Variants in TAMM41 observed in about 807,000 individuals in gnomAD.
The protein encoded by TAMM41 is TAM41 mitochondrial translocator assembly and maintenance homolog.
Under a neutral mutation model 44.1 loss-of-function variants are expected in TAMM41, and 36 were observed. The ratio of observed to expected loss-of-function variants is 0.82; its 90% CI spans 0.63 to 1.08. The LOEUF (loss-of-function observed/expected upper bound fraction) is 1.08. Among genes scored for constraint, TAMM41 ranks in the 50% least tolerant of loss-of-function variants. The pLI, the probability that TAMM41 is intolerant of heterozygous loss-of-function variation, is 0.00. For missense variants in TAMM41, 417 were observed against 404.3 expected, an observed-to-expected ratio of 1.03 and a Z score of -0.27; for synonymous variants, 164 against 153.1, an observed-to-expected ratio of 1.07 and a Z score of -0.53.
At chr3:11,784,014 C>T in the TAMM41 span, among the ~76,000 whole-genome samples, 3 of 152,112 alleles carry the variant, frequency 2.0e-5, no homozygotes, top group Admixed American at 6.6e-5. Flanking sequence ...AAATGTGGAA[C>T]CATGTTCAAT....
chr3:11,773,318 T>TAAA, the TAMM41 span, among the ~76,000 whole-genome samples: 1 of 146,072 alleles, frequency 6.8e-6, no homozygotes, highest in Non-Finnish European at 1.5e-5. Flanking sequence ...TTGATTTGCT[T>TAAA]AAAAAAAAAA....
Position 11,844,217 on chromosome 3 carries a change from G to A in TAMM41, c.136-6C>T. 1 of 1,611,664 alleles carries A rather than the reference G, an allele frequency of 6.2e-7. No individual in the cohort carries two copies. Among genetic ancestry groups the A allele is most frequent in the Non-Finnish European group, 8.5e-7 (1 of 1,178,800 alleles). On this transcript the variant is annotated splice_polypyrimidine_tract_variant and splice_region_variant and intron_variant, in intron 1 of 7. Transcript: ENST00000455809. ...ACAAAGTCCAGCATAGCATTCTGTG[G>A]AGTGAAGAAAAGAGAATAATTTCAG...
chr3:11,739,448 G>A, the TAMM41 span, among the ~76,000 whole-genome samples: 7,088 of 152,140 alleles, frequency 0.047, 517 homozygotes, highest in African/African-American at 0.16. Flanking sequence ...CTTCCCTCCT[G>A]CCTCCTTACA....
intron 4 of TAMM41, among the ~76,000 whole-genome samples, chr3:11,823,703 C>T (rs1383211541): frequency 6.7e-6 from 1 of 149,600 alleles, no homozygotes; most frequent in African/African-American, 2.5e-5. Flanking sequence ...CTCTGTCACC[C>T]AGGCTAGAGT....
rs1164992335 is a variant in TAMM41, at chr3:11,839,306, T to C, written c.327A>G (p.Lys109=). Residue 109 remains lysine (K), a synonymous_variant, in exon 3 of 8, where the codon AAA becomes AAG. Transcript: ENST00000455809. ...SLIMCNGRLI[K]YGVISTNVLI... is the part of the protein sequence containing the mutation. ...GAACGTTAGTGCTAATAACTCCATATTTGATAAGCTGAAGGAAAAAAGAAA... is the reference window on the plus strand; with the variant it reads ...GAACGTTAGTGCTAATAACTCCATACTTGATAAGCTGAAGGAAAAAAGAAA... 2.5e-6 allele frequency: 4 copies of C among 1,607,840 alleles called. No individual in the cohort carries two copies. The highest frequency in any genetic ancestry group is 2.2e-5 in the South Asian group (2 of 90,322).
chr3:11,747,642 GC>G, the TAMM41 span, among the ~76,000 whole-genome samples: 1 of 151,098 alleles, frequency 6.6e-6, no homozygotes, highest in Non-Finnish European at 1.5e-5. Flanking sequence ...GGTGGTGTGC[GC>G]CTGTAGTCCC....
Position 11,808,314 on chromosome 3 carries a change from T to C in TAMM41, c.875-419A>G, listed in dbSNP as rs546314382. 8.9e-5 allele frequency: 91 copies of C among 1,019,108 alleles called. No homozygotes were observed. In the South Asian group the frequency reaches 3.5e-3, roughly 40 times the overall value. The allele number at this position is 1,019,108 out of a possible 1,614,324, so 63.1% of individuals were successfully genotyped here. A position where few individuals can be genotyped will look rare whatever the true frequency, so the allele number is the denominator to read the frequency against. ...GAAAACACACATACGGATTCCACAG[T>C]GAGGAACAAGTTTCACTCACCTCAA... On this transcript the variant is annotated intron_variant, in intron 6 of 7. Transcript: ENST00000455809.
chr3:11,845,086 G>T (rs907211720), intron 1 of TAMM41: 7 of 436,416 alleles, frequency 1.6e-5, no homozygotes, highest in African/African-American at 1.4e-4. Flanking sequence ...GGAAGCTGCC[G>T]TCAGATATGA....
downstream of TAMM41, chr3:11,790,422 G>C (rs1188992663): frequency 7.9e-7 from 1 of 1,273,792 alleles, no homozygotes; most frequent in African/African-American, 1.5e-5. Context: ...TCAAGCAATG[G>C]GTCAAAGTAA....
At chr3:11,733,823 G>C in the TAMM41 span, among the ~76,000 whole-genome samples, 1 of 151,910 alleles carries the variant, frequency 6.6e-6, no homozygotes, top group Non-Finnish European at 1.5e-5. Flanking sequence ...TTAAATTTTC[G>C]TTTCCAAGTC....
the TAMM41 span, among the ~76,000 whole-genome samples, chr3:11,781,495 G>A: frequency 6.6e-6 from 1 of 152,150 alleles, no homozygotes; most frequent in Non-Finnish European, 1.5e-5. Flanking sequence ...AGCACTTTGG[G>A]AGGCCAAGGC....
intron 3 of TAMM41, among the ~76,000 whole-genome samples, chr3:11,837,064 G>A (rs923898812): frequency 2.0e-5 from 3 of 152,146 alleles, no homozygotes; most frequent in Admixed American, 6.5e-5. Flanking sequence ...AGTATTTCTG[G>A]ACATTTTAAG....
chr3:11,809,512 C>G lies in TAMM41; in HGVS notation c.874+5G>C, dbSNP rs138382621. ...ATTTCCTCAACATCAAATTCATAAACGTACCTAGTCGCACCACATCTCCAC... is the reference window on the plus strand; with the variant it reads ...ATTTCCTCAACATCAAATTCATAAAGGTACCTAGTCGCACCACATCTCCAC... On this transcript the variant is annotated splice_donor_5th_base_variant and intron_variant, in intron 6 of 7. Transcript: ENST00000455809. 2 of 1,613,090 alleles carry G rather than the reference C, an allele frequency of 1.2e-6. No individual in the cohort carries two copies. The highest frequency in any genetic ancestry group is 1.7e-6 in the Non-Finnish European group (2 of 1,179,860).
At position 11,790,508 on chromosome 3, in the gene TAMM41, G is replaced by C. The variant is rs1196251000; in HGVS notation, c.1011C>G (p.Ser337=). ...KMWKGWLRKT[S] Reference sequence around the variant, plus strand: ...ACATATATAAAAGCAAGCAAAATCAGGATGTTTTCCTCAGCCACCCTTTCC... The same window carrying C: ...ACATATATAAAAGCAAGCAAAATCACGATGTTTTCCTCAGCCACCCTTTCC... The change falls in exon 8 of 8, where the codon TCC becomes TCG. Residue 337 remains serine, a synonymous_variant. Coordinates refer to ENST00000455809, the MANE Select transcript of TAMM41 (RefSeq NM_001284401.2). 1 of 1,613,792 alleles carries C rather than the reference G, an allele frequency of 6.2e-7. No individual in the cohort carries two copies. Among genetic ancestry groups the C allele is most frequent in the African/African-American group, 1.3e-5 (1 of 75,046 alleles).
chr3:11,769,253 CT>C, the TAMM41 span, among the ~76,000 whole-genome samples: 1 of 152,042 alleles, frequency 6.6e-6, no homozygotes, highest in Non-Finnish European at 1.5e-5. Context: ...CCACGCACAG[CT>C]AATTTTTGTA....
intron 7 of TAMM41, among the ~76,000 whole-genome samples, chr3:11,800,832 T>G (rs549837932): frequency 6.6e-6 from 1 of 152,308 alleles, no homozygotes; most frequent in African/African-American, 2.4e-5. Flanking sequence ...CAGAACATTC[T>G]TCCCAACATC....
chr3:11,830,714 A>C (rs935143252), intron 3 of TAMM41: 5 of 152,070 alleles, frequency 3.3e-5, no homozygotes, highest in East Asian at 1.9e-4. Flanking sequence ...AACAAAAAAA[A>C]CAAACACCTA....
rs1281666008 is a variant in TAMM41 at position 11,790,482 on chromosome 3, AAC to A, written c.*21_*22del. On this transcript the variant is annotated 3_prime_UTR_variant, in exon 8 of 8. Coordinates refer to ENST00000455809, the MANE Select transcript of TAMM41 (RefSeq NM_001284401.2). ...TCAAACACTTTATTCATCTACACAT[AAC>A]ATATATAAAAGCAAGCAAAATCAGG... The A allele has an allele frequency of 1.2e-6, 2 of 1,600,728 alleles. No homozygotes were observed.
intron 4 of TAMM41, among the ~76,000 whole-genome samples, chr3:11,818,759 G>T (rs906759482): frequency 6.6e-6 from 1 of 151,898 alleles, no homozygotes; most frequent in Admixed American, 6.6e-5. Context: ...TTAGCCAGAC[G>T]TGGTGGCAGG....
Sources: gnomAD v4.1 joint callset for allele counts (sites outside exome capture counted in the v4.1 genomes callset) on GRCh38, gnomAD v4.1.1 for gene constraint, MANE v1.5 for transcripts, NCBI Gene and HGNC (gene_info 2026-07-23, HGNC 2026-07-21) for gene names.